The following LCORL variants were observed in gnomAD, a reference collection of about 807,000 sequenced individuals.
LCORL encodes the protein ligand-dependent nuclear receptor corepressor-like protein.
LCORL carries 41 observed loss-of-function variants against 141.8 expected under a neutral mutation model. The ratio of observed to expected loss-of-function variants is 0.29; its 90% CI spans 0.23 to 0.38. The LOEUF is 0.38. LCORL is among the 10% of genes least tolerant of loss of function. The probability of loss-of-function intolerance (pLI) is 1.00; values close to 1 mark genes in which losing one functional copy is unlikely to be tolerated. For synonymous variants in LCORL, 618 were observed against 694.1 expected (o/e 0.89, Z 1.72); for missense variants, 1,759 against 2,035.0 (o/e 0.86, Z 2.61).
chr4:17,942,784 C>T (rs1454095050), intron 4 of LCORL, among the ~76,000 whole-genome samples: 1 of 152,128 alleles, frequency 6.6e-6, no homozygotes, highest in Non-Finnish European at 1.5e-5. Flanking sequence ...ACGTCCCCGA[C>T]CCCTAGGCCA....
chr4:17,940,394 T>C (rs972700138), intron 4 of LCORL, among the ~76,000 whole-genome samples: 11 of 148,212 alleles, frequency 7.4e-5, no homozygotes, highest in African/African-American at 2.7e-4. Flanking sequence ...TGCATGAATA[T>C]ATAGGAAACA....
rs542595891 is a variant in LCORL, at chr4:18,004,170, C to A, written c.154+17428G>T. ...ACTAGCAAATAGCAATGTGTTGATCCGATTTCAGTCTATATATACTGACTC... is the reference window on the plus strand; with the variant it reads ...ACTAGCAAATAGCAATGTGTTGATCAGATTTCAGTCTATATATACTGACTC... On this transcript the variant is annotated intron_variant, in intron 1 of 7. Transcript: ENST00000635767. Among the ~76,000 whole-genome samples the A allele has an allele frequency of 1.2e-3, 178 of 152,006 alleles. 1 individual carries two copies. The highest frequency in any genetic ancestry group is 4.2e-3 in the African/African-American group (173 of 41,452).
chr4:17,987,915 C>T (rs1028367378), intron 1 of LCORL, among the ~76,000 whole-genome samples: 5 of 152,172 alleles, frequency 3.3e-5, no homozygotes, highest in Non-Finnish European at 7.3e-5. Flanking sequence ...CAAATATTTT[C>T]TTCAAGCCTG....
intron 4 of LCORL, among the ~76,000 whole-genome samples, chr4:17,957,449 G>T (rs550974530): frequency 1.2e-3 from 190 of 152,066 alleles, no homozygotes; most frequent in Middle Eastern, 3.4e-3. Context: ...TCTGTTGATG[G>T]AAGACCAGAA....
At chr4:17,912,667 G>T (rs1732758733) in intron 4 of LCORL, among the ~76,000 whole-genome samples, 4 of 152,170 alleles carry the variant, frequency 2.6e-5, no homozygotes. Context: ...AGAATGGCCT[G>T]AGGGAGGTGG....
At chr4:17,912,073 T>C (rs774771362) in intron 4 of LCORL, 19 of 713,932 alleles carry the variant, frequency 2.7e-5, no homozygotes, top group Non-Finnish European at 4.7e-5. Context: ...GGTCAGAGAC[T>C]GGAGCCATTA....
intron 1 of LCORL, among the ~76,000 whole-genome samples, chr4:18,020,004 T>C (rs1300216797): frequency 6.6e-6 from 1 of 152,234 alleles, no homozygotes; most frequent in Non-Finnish European, 1.5e-5. Context: ...AATACTTGAC[T>C]AAAGCTATTT....
chr4:17,901,003 T>A (rs1252087552), intron 5 of LCORL, among the ~76,000 whole-genome samples: 1 of 151,994 alleles, frequency 6.6e-6, no homozygotes, highest in Non-Finnish European at 1.5e-5. Flanking sequence ...GCTGCCTTGG[T>A]TGGATTGTGA....
chr4:17,904,495 A>G lies in LCORL; in HGVS notation c.682+4599T>C, dbSNP rs141147424. 1.6e-3 allele frequency among the ~76,000 whole-genome samples: 244 copies of G among 152,216 alleles called. 3 individuals are homozygous for G. In the East Asian group the frequency reaches 0.022, roughly 14 times the overall value. On this transcript the variant is annotated intron_variant, in intron 5 of 7. Coordinates refer to ENST00000635767, the Ensembl canonical transcript of LCORL. ...AACTTCTTCCCTACTTTGAATTAAG[A>G]TATTATCCTATAATTTCCTCTCTTT...
chr4:17,848,478 T>C (rs1258820949), intron 7 of LCORL, among the ~76,000 whole-genome samples: 1 of 152,224 alleles, frequency 6.6e-6, no homozygotes, highest in Non-Finnish European at 1.5e-5. Context: ...GCCTTCTGAG[T>C]AGCTGAGACT....
intron 1 of LCORL, among the ~76,000 whole-genome samples, chr4:18,003,200 AG>A (rs1311805740): frequency 6.6e-6 from 1 of 152,224 alleles, no homozygotes; most frequent in Non-Finnish European, 1.5e-5. Flanking sequence ...GTACTTAAAC[AG>A]ATTTTTCTTT....
At chr4:17,993,519 T>A (rs1720396585) in intron 1 of LCORL, among the ~76,000 whole-genome samples, 1 of 151,952 alleles carries the variant, frequency 6.6e-6, no homozygotes, top group Admixed American at 6.6e-5. Context: ...TAAATTTAAA[T>A]ACCTATGTCT....
intron 4 of LCORL, among the ~76,000 whole-genome samples, chr4:17,956,899 A>C (rs1024079626): frequency 3.3e-5 from 5 of 152,076 alleles, no homozygotes; most frequent in African/African-American, 1.2e-4. Context: ...TGTATCCTGT[A>C]AATATGTATA....
chr4:17,884,094 A>G lies in LCORL; in HGVS notation c.776+1974T>C. The G allele has an allele frequency of 6.4e-7, 1 of 1,550,792 alleles. No homozygotes were observed. Among genetic ancestry groups the G allele is most frequent in the Middle Eastern group, 1.7e-4 (1 of 5,986 alleles). ...AAAGGAGAGAGGTCCCCATGTAGAA[A>G]GTAAGAGTCAACACTTGAGTGAGTT... On this transcript the variant is annotated intron_variant, in intron 6 of 7. Transcript: ENST00000635767. The surrounding 1 kb of genome is among the most constrained non-coding windows in gnomAD (Gnocchi z 4.4).
At chr4:17,937,854 T>C (rs1345355006) in intron 4 of LCORL, among the ~76,000 whole-genome samples, 1 of 152,178 alleles carries the variant, frequency 6.6e-6, no homozygotes, top group African/African-American at 2.4e-5. Context: ...ATATCTAGCA[T>C]GGAAGCAGCC....
chr4:17,994,485 A>G (rs984022397), intron 1 of LCORL, among the ~76,000 whole-genome samples: 11 of 152,156 alleles, frequency 7.2e-5, no homozygotes, highest in Non-Finnish European at 1.3e-4. Flanking sequence ...TCATTCTTAA[A>G]AATTGTAGTT....
intron 5 of LCORL, among the ~76,000 whole-genome samples, chr4:17,889,313 T>C (rs965877853): frequency 7.2e-5 from 11 of 152,100 alleles, no homozygotes; most frequent in African/African-American, 2.4e-4. Context: ...CTCTTCTTCA[T>C]AGCCCTTTCT....
At chr4:17,968,819 G>GT (rs1443281272) in intron 2 of LCORL, among the ~76,000 whole-genome samples, 31 of 152,238 alleles carry the variant, frequency 2.0e-4, no homozygotes, top group African/African-American at 7.2e-4. Flanking sequence ...ATTAAAAAAT[G>GT]TAAGAACCAT....
chr4:17,914,471 C>T (rs1238648918), intron 4 of LCORL, among the ~76,000 whole-genome samples: 2 of 152,148 alleles, frequency 1.3e-5, no homozygotes, highest in African/African-American at 4.8e-5. Context: ...GTTTTATTCA[C>T]CCACTCACTT....
Sources: gnomAD v4.1 joint callset for allele counts (sites outside exome capture counted in the v4.1 genomes callset) on GRCh38, gnomAD v4.1.1 for gene constraint, Gnocchi (gnomAD v3.1) non-coding constraint, MANE v1.5 for transcripts, NCBI Gene and HGNC (gene_info 2026-07-23, HGNC 2026-07-21) for gene names.